Variants in WLS observed in about 807,000 individuals in gnomAD.
WLS encodes the protein Wnt ligand secretion mediator.
A neutral mutation model predicts 62.8 loss-of-function variants in WLS; 23 were observed. The observed-to-expected ratio is 0.37, with a 90% CI of 0.26 to 0.52. The LOEUF is 0.52. WLS is among the 20% of genes least tolerant of loss of function. The pLI is 0.92. For missense variants in WLS, 615 were observed against 697.3 expected, an observed-to-expected ratio of 0.88 and a Z score of 1.33; for synonymous variants, 246 against 244.1, an observed-to-expected ratio of 1.01 and a Z score of -0.07.
In WLS at chr1:68,145,977, G is replaced by A. The variant is rs1462948325; in HGVS notation, c.1170C>T (p.Cys390=). 6.2e-7 allele frequency: 1 copy of A among 1,614,158 alleles called. No individual in the cohort carries two copies. Among genetic ancestry groups the A allele is most frequent in the Non-Finnish European group, 8.5e-7 (1 of 1,180,024 alleles). Residue 390 remains cysteine (C), a synonymous_variant, in exon 9 of 12, where the codon TGC becomes TGT. Transcript: ENST00000262348. The part of the protein sequence containing the change: ...AFIIVAGICL[C]LYFLFLCFMV... ...TGAAGCATAGAAACAGGAAGTAGAGGCAGAGGCAGATTCCAGCCACGATGA... is the reference window on the plus strand; with the variant it reads ...TGAAGCATAGAAACAGGAAGTAGAGACAGAGGCAGATTCCAGCCACGATGA...
At chr1:68,162,191 C>T (rs75606676) in intron 2 of WLS, 2 of 1,433,124 alleles carry the variant, frequency 1.4e-6, no homozygotes, top group South Asian at 2.3e-5. Flanking sequence ...CTAAAGGGCT[C>T]CGACTCACGC....
rs76551413 is a variant in WLS at position 68,116,158 on chromosome 1, A to G, written c.1511-17405T>C. Among the ~76,000 whole-genome samples the G allele has an allele frequency of 4.6e-3, 694 of 152,324 alleles. 14 individuals are homozygous for G. The East Asian group carries it at 0.078, about 17-fold the overall frequency. On this transcript the variant is annotated intron_variant, in intron 11 of 11. Transcript: ENST00000354777. Reference sequence around the variant, plus strand: ...AGCAGGGTTCACAGGACCTTACAATAGGGACCAGGAGCAGCAGCTCGGAGA... The same window carrying G: ...AGCAGGGTTCACAGGACCTTACAATGGGGACCAGGAGCAGCAGCTCGGAGA...
chr1:68,160,930 A>G (rs1323351324), intron 2 of WLS, among the ~76,000 whole-genome samples: 1 of 152,244 alleles, frequency 6.6e-6, no homozygotes. Context: ...GAAGAAAAGA[A>G]GACTTTATCA....
Position 68,132,470 on chromosome 1 carries a change from C to T in WLS, c.1516+5310G>A, listed in dbSNP as rs138821982. On this transcript the variant is annotated intron_variant, in intron 11 of 11. Coordinates refer to ENST00000262348, the MANE Select transcript of WLS (RefSeq NM_024911.7). ...GTCAGGGCCTCAGGACTTAATCCAA[C>T]GCTTTACCGAGGCAACAAAGCCAAA... Among the ~76,000 whole-genome samples the T allele has an allele frequency of 1.6e-4, 24 of 152,288 alleles. No individual in the cohort carries two copies. The East Asian group carries it at 2.7e-3, about 17-fold the overall frequency.
At position 68,232,399 on chromosome 1, in the gene WLS, C is replaced by G; in HGVS notation, c.-100G>C. The G allele has an allele frequency of 6.8e-7, 1 of 1,477,596 alleles. No individual in the cohort carries two copies. The allele number at this position is 1,477,596 out of a possible 1,614,324, so 91.5% of individuals were successfully genotyped here. Reference sequence around the variant, plus strand: ...CACTCCCTCCTTCCTCGCCTCCTTTCTGGGCGCTGCAAAACTTCAGAGGTG... The same window carrying G: ...CACTCCCTCCTTCCTCGCCTCCTTTGTGGGCGCTGCAAAACTTCAGAGGTG... On this transcript the variant is annotated 5_prime_UTR_variant, in exon 1 of 12. Coordinates refer to ENST00000262348, the MANE Select transcript of WLS (RefSeq NM_024911.7).
intron 2 of WLS, among the ~76,000 whole-genome samples, chr1:68,190,049 A>C (rs1310715179): frequency 6.6e-6 from 1 of 151,462 alleles, no homozygotes; most frequent in Non-Finnish European, 1.5e-5. Context: ...TATGTCCTAA[A>C]AGTTTTACAT....
chr1:68,102,971 G>T (rs1274808694), intron 11 of WLS, among the ~76,000 whole-genome samples: 1 of 152,048 alleles, frequency 6.6e-6, no homozygotes, highest in Non-Finnish European at 1.5e-5. Flanking sequence ...TCTTCCCCTG[G>T]CAGTGCTCTG....
At position 68,125,602 on chromosome 1, in the gene WLS, C is replaced by T; in HGVS notation, c.*624G>A. 1 of 985,488 alleles carries T rather than the reference C, an allele frequency of 1.0e-6. No individual in the cohort carries two copies. The highest frequency in any genetic ancestry group is 6.1e-5 in the Admixed American group (1 of 16,294). 61.0% of individuals were successfully genotyped at this position (985,488 alleles called of 1,614,324 possible). A position where few individuals can be genotyped will look rare whatever the true frequency, so the allele number is the denominator to read the frequency against. The stretch of plus-strand genomic sequence containing the variant: ...CCAACAGATTGGTTAGTATTAGATA[C>T]ACAGATTTGGTTTCAAAGCTGAAAT... On this transcript the variant is annotated 3_prime_UTR_variant, in exon 12 of 12. Transcript: ENST00000262348.
chr1:68,118,019 ATTATC>A (rs1646316197), intron 11 of WLS, among the ~76,000 whole-genome samples: 1 of 152,164 alleles, frequency 6.6e-6, no homozygotes, highest in African/African-American at 2.4e-5. Context: ...TGGGTGACCT[ATTATC>A]TTAGGGGATA....
chr1:68,103,267 T>C lies in WLS; in HGVS notation c.1511-4514A>G, dbSNP rs143950390. On this transcript the variant is annotated intron_variant, in intron 11 of 11. Coordinates refer to the WLS transcript ENST00000354777. ...TAATCTGTAAATCCTGTAATTGCCCTAAAGTAGCAACAATTCATGTGCTTG... is the reference window on the plus strand; with the variant it reads ...TAATCTGTAAATCCTGTAATTGCCCCAAAGTAGCAACAATTCATGTGCTTG... 3.3e-3 allele frequency among the ~76,000 whole-genome samples: 506 copies of C among 152,326 alleles called. 2 individuals are homozygous for C. Among genetic ancestry groups the C allele is most frequent in the Non-Finnish European group, 5.6e-3 (379 of 68,030 alleles).
chr1:68,122,196 AGGGTGTGGC>A (rs1233121609), downstream of WLS, among the ~76,000 whole-genome samples: 1 of 152,200 alleles, frequency 6.6e-6, no homozygotes, highest in East Asian at 1.9e-4. Context: ...ACCCAAGACC[AGGGTGTGGC>A]CACTACCATG....
At chr1:68,132,960 C>T (rs1342873901) in intron 11 of WLS, among the ~76,000 whole-genome samples, 2 of 151,946 alleles carry the variant, frequency 1.3e-5, no homozygotes, top group African/African-American at 2.4e-5. Flanking sequence ...TAGCCTGCTG[C>T]AATTCATATC....
chr1:68,132,931 C>T (rs1262840992), intron 11 of WLS, among the ~76,000 whole-genome samples: 1 of 152,090 alleles, frequency 6.6e-6, no homozygotes. Context: ...TATTTTTGCT[C>T]TGAGAAGAGG....
At position 68,194,235 on chromosome 1, in the gene WLS, G is replaced by C; in HGVS notation, c.107-8C>G. 6.2e-7 allele frequency: 1 copy of C among 1,612,402 alleles called. No individual in the cohort carries two copies. The highest frequency in any genetic ancestry group is 1.3e-5 in the African/African-American group (1 of 74,942). On this transcript the variant is annotated splice_polypyrimidine_tract_variant and splice_region_variant and intron_variant, in intron 1 of 11. Transcript: ENST00000262348. Reference sequence around the variant, plus strand: ...CCGTTGTGGGCCCTGGAGCTGAAAAGAGAAAGTTTGTCTGTTTTAGAAAAG... The same window carrying C: ...CCGTTGTGGGCCCTGGAGCTGAAAACAGAAAGTTTGTCTGTTTTAGAAAAG...
intron 2 of WLS, chr1:68,162,302 C>G: frequency 6.2e-7 from 1 of 1,612,198 alleles, no homozygotes; most frequent in Non-Finnish European, 8.5e-7. Context: ...AGGAATGCTC[C>G]CTGCCTCATC....
intron 1 of WLS, among the ~76,000 whole-genome samples, chr1:68,200,450 G>C: frequency 7.1e-6 from 1 of 141,610 alleles, no homozygotes; most frequent in East Asian, 2.2e-4. Flanking sequence ...AAAAATAATT[G>C]GGACTGATTT....
At chr1:68,229,553 G>C (rs4655578) in intron 1 of WLS, among the ~76,000 whole-genome samples, 29,298 of 152,028 alleles carry the variant, frequency 0.19, 2,880 homozygotes, top group Middle Eastern at 0.23. Flanking sequence ...CCTACAAACT[G>C]TTCCTTCAAC....
chr1:68,136,429 C>T (rs951496042), intron 11 of WLS, among the ~76,000 whole-genome samples: 1 of 152,124 alleles, frequency 6.6e-6, no homozygotes, highest in African/African-American at 2.4e-5. Flanking sequence ...TAGGCATATT[C>T]CTTAGGACAA....
At chr1:68,162,203 CAT>C (rs1041323549) in intron 2 of WLS, 56 of 1,444,882 alleles carry the variant, frequency 3.9e-5, no homozygotes, top group Middle Eastern at 2.2e-4. Context: ...GACTCACGCA[CAT>C]AGAGGGCTGC....
Sources: allele counts gnomAD v4.1 joint callset (sites outside exome capture counted in the v4.1 genomes callset), GRCh38; gene constraint gnomAD v4.1.1; transcripts MANE v1.5; gene names NCBI Gene and HGNC (gene_info 2026-07-23, HGNC 2026-07-21).